NPC2: variants seen among roughly 807,000 people sequenced by gnomAD.
NPC2 encodes the protein NPC intracellular cholesterol transporter 2.
NPC2 carries 14 observed loss-of-function variants against 17.0 expected under a neutral mutation model. The observed-to-expected ratio is 0.82, with a 90% CI of 0.54 to 1.29. The LOEUF is 1.29. Ranked by LOEUF, NPC2 falls within the 50% of genes most tolerant of loss-of-function variation. The pLI, the probability that NPC2 is intolerant of heterozygous loss-of-function variation, is 0.00. For missense variants in NPC2, 167 were observed against 183.4 expected, an observed-to-expected ratio of 0.91 and a Z score of 0.52; for synonymous variants, 75 against 69.3, an observed-to-expected ratio of 1.08 and a Z score of -0.41.
At chr14:74,483,582 T>G (rs1480784088) in intron 3 of NPC2, 5 of 1,280,636 alleles carry the variant, frequency 3.9e-6, no homozygotes, top group Non-Finnish European at 5.3e-6. Context: ...AGTGCCAGCA[T>G]TCCAGACTTC....
intron 3 of NPC2, 101 bp downstream of exon 3, chr14:74,484,314 A>G: frequency 4.0e-6 from 5 of 1,249,430 alleles, no homozygotes; most frequent in Non-Finnish European, 5.9e-6. Flanking sequence ...CATCATAGAG[A>G]TAAGGGGCCC....
At chr14:74,491,014 T>C (rs1434291317) in intron 1 of NPC2, among the ~76,000 whole-genome samples, 2 of 152,206 alleles carry the variant, frequency 1.3e-5, no homozygotes, top group African/African-American at 4.8e-5. Flanking sequence ...GGCAAGTTAC[T>C]CTATGTGCTT....
At chr14:74,483,584 C>T in intron 3 of NPC2, 1 of 1,270,114 alleles carries the variant, frequency 7.9e-7, no homozygotes, top group African/African-American at 1.5e-5. Flanking sequence ...TGCCAGCATT[C>T]CAGACTTCAA....
chr14:74,480,234 G>A lies in NPC2; in HGVS notation c.*40C>T. Reference sequence around the variant, plus strand: ...GCTGGAGGTGCTGTCAAGAGTCTCAGCAGACTCATTGGCCAGATGCACCGA... The same window carrying A: ...GCTGGAGGTGCTGTCAAGAGTCTCAACAGACTCATTGGCCAGATGCACCGA... On this transcript the variant is annotated 3_prime_UTR_variant, in exon 5 of 5. Coordinates refer to ENST00000555619, the MANE Select transcript of NPC2 (RefSeq NM_006432.5). The A allele has an allele frequency of 1.2e-6, 2 of 1,614,136 alleles. No homozygotes were observed. Among genetic ancestry groups the A allele is most frequent in the Non-Finnish European group, 1.7e-6 (2 of 1,180,036 alleles).
intron 2 of NPC2, among the ~76,000 whole-genome samples, 168 bp from the exon 3 acceptor site, chr14:74,484,755 C>CAAAAAAAAAAA (rs71115996): frequency 2.8e-4 from 24 of 85,190 alleles, no homozygotes; most frequent in Non-Finnish European, 3.9e-4. Flanking sequence ...CACAATTATG[C>CAAAAAAAAAAA]AAAAAAAAAA....
At chr14:74,492,539 A>C (rs539088409) in intron 1 of NPC2, among the ~76,000 whole-genome samples, 1 of 152,186 alleles carries the variant, frequency 6.6e-6, no homozygotes, top group Non-Finnish European at 1.5e-5. Flanking sequence ...TTCTGTTCCG[A>C]CAATTCTATA....
intron 1 of NPC2, 106 bp from the exon 2 acceptor site, chr14:74,486,542 A>T (rs1462443479): frequency 1.1e-5 from 9 of 836,746 alleles, no homozygotes; most frequent in Non-Finnish European, 1.6e-5. Flanking sequence ...TTTAGGGTCA[A>T]CTCATTCTCC....
intron 1 of NPC2, among the ~76,000 whole-genome samples, chr14:74,492,501 C>T (rs2139675810): frequency 1.3e-5 from 2 of 152,344 alleles, no homozygotes; most frequent in South Asian, 4.1e-4. Flanking sequence ...ATCTCTCTAT[C>T]TCCACCTCTG....
rs775041292 is a variant in NPC2, at chr14:74,480,719, C to T, written c.424G>A (p.Glu142Lys). ...AGACTTACGATCTGTACTGGGATTTCCCAGCAGAAGAGACTTTGGTTTTTG... is the reference window on the plus strand; with the variant it reads ...AGACTTACGATCTGTACTGGGATTTTCCAGCAGAAGAGACTTTGGTTTTTG... ...DDKNQSLFCW[E>K]IPVQIVSHL Residue 142 changes from glutamate (E) to lysine (K), a missense_variant, in exon 4 of 5, where the codon GAA becomes AAA. Coordinates refer to ENST00000555619, the MANE Select transcript of NPC2 (RefSeq NM_006432.5). 1 of 1,614,080 alleles carries T rather than the reference C, an allele frequency of 6.2e-7. No individual in the cohort carries two copies. Among genetic ancestry groups the T allele is most frequent in the Non-Finnish European group, 8.5e-7 (1 of 1,179,952 alleles).
intron 1 of NPC2, among the ~76,000 whole-genome samples, chr14:74,488,957 G>C (rs2086741860): frequency 6.6e-6 from 1 of 152,166 alleles, no homozygotes; most frequent in Non-Finnish European, 1.5e-5. Flanking sequence ...ATTTAGTCCT[G>C]TTCTTTAAGG....
chr14:74,482,368 A>G (rs2086665141), intron 3 of NPC2, among the ~76,000 whole-genome samples: 1 of 152,182 alleles, frequency 6.6e-6, no homozygotes, highest in African/African-American at 2.4e-5. Flanking sequence ...TATTTCCTCC[A>G]TTCTTATCAA....
Position 74,487,263 on chromosome 14 carries a change from G to GTTTTTTTTTTTTTTTTTTTTTTTT in NPC2, c.83-828_83-827insAAAAAAAAAAAAAAAAAAAAAAAA, listed in dbSNP as rs1208707592. Reference sequence around the variant, plus strand: ...TGCACCCTCCCTGTTTTGTTTTTGTGGTTTTTTTTTGTTTTTTTTTTTTGA... The same window carrying GTTTTTTTTTTTTTTTTTTTTTTTT: ...TGCACCCTCCCTGTTTTGTTTTTGTGTTTTTTTTTTTTTTTTTTTTTTTTGTTTTTTTTTGTTTTTTTTTTTTGA... On this transcript the variant is annotated intron_variant, in intron 1 of 4. Coordinates refer to ENST00000555619, the MANE Select transcript of NPC2 (RefSeq NM_006432.5). 1.5e-5 allele frequency among the ~76,000 whole-genome samples: 2 copies of GTTTTTTTTTTTTTTTTTTTTTTTT among 134,952 alleles called. 1 individual carries two copies. The highest frequency in any genetic ancestry group is 3.1e-5 in the Non-Finnish European group (2 of 63,886). The allele number at this position is 134,952 out of a possible 152,430, so 88.5% of individuals were successfully genotyped here.
chr14:74,480,471 T>G (rs1216681133), intron 4 of NPC2, 183 bp from the exon 5 acceptor site: 10 of 760,762 alleles, frequency 1.3e-5, no homozygotes, highest in Non-Finnish European at 2.4e-5. Flanking sequence ...ATCTCTACAG[T>G]CTCACTCTCT....
chr14:74,491,839 G>A (rs866601484), intron 1 of NPC2, among the ~76,000 whole-genome samples: 4 of 152,128 alleles, frequency 2.6e-5, no homozygotes, highest in Non-Finnish European at 5.9e-5. Flanking sequence ...ACTCTGAAAC[G>A]AAATGGATAA....
intron 3 of NPC2, chr14:74,483,567 T>A: frequency 7.3e-7 from 1 of 1,364,126 alleles, no homozygotes; most frequent in South Asian, 1.5e-5. Flanking sequence ...ATTGCCTAAT[T>A]GGAAAGTGCC....
intron 3 of NPC2, chr14:74,483,294 T>C (rs954795407): frequency 6.7e-6 from 8 of 1,200,952 alleles, no homozygotes; most frequent in South Asian, 2.6e-5. Context: ...ATGATTTTGG[T>C]TGGCAATAAA....
intron 2 of NPC2, among the ~76,000 whole-genome samples, chr14:74,485,034 C>T (rs1432633663): frequency 6.6e-6 from 1 of 152,092 alleles, no homozygotes; most frequent in African/African-American, 2.4e-5. Context: ...GTAGCTCCCA[C>T]CTGTAATCCC....
intron 3 of NPC2, among the ~76,000 whole-genome samples, chr14:74,481,136 A>G (rs2086652115): frequency 6.6e-6 from 1 of 152,232 alleles, no homozygotes; most frequent in Admixed American, 6.5e-5. Context: ...CCAATGTTGG[A>G]GGTGGGCCTG....
In NPC2 at chr14:74,482,925, G is replaced by A. The variant is rs1033790789; in HGVS notation, c.363+1490C>T. 11 of 501,730 alleles carry A rather than the reference G, an allele frequency of 2.2e-5. No homozygotes were observed. In the East Asian group the frequency reaches 4.8e-4, roughly 22 times the overall value. 31.1% of individuals were successfully genotyped at this position (501,730 alleles called of 1,614,324 possible). A position where few individuals can be genotyped will look rare whatever the true frequency, so the allele number is the denominator to read the frequency against. ...AGGAGGGAGGAGGGAGGAGGAGGTG[G>A]AGGAGGTGCCAGACTGGGGGAATCA... On this transcript the variant is annotated intron_variant, in intron 3 of 4. Transcript: ENST00000555619.
Sources: allele counts gnomAD v4.1 joint callset (sites outside exome capture counted in the v4.1 genomes callset), GRCh38; gene constraint gnomAD v4.1.1; transcripts MANE v1.5; gene names NCBI Gene and HGNC (gene_info 2026-07-23, HGNC 2026-07-21).